PRDM11: variants seen among roughly 807,000 people sequenced by gnomAD.
PRDM11 encodes the protein PR/SET domain 11.
PRDM11 carries 20 observed loss-of-function variants against 97.8 expected under a neutral mutation model. That is an observed-to-expected ratio of 0.20 (90% CI 0.14 to 0.30). The LOEUF is 0.30. PRDM11 is among the 10% of genes least tolerant of loss of function. PRDM11 has a pLI of 1.00. For missense variants in PRDM11, 1,139 were observed against 1,555.2 expected (o/e 0.73, Z 4.50); for synonymous variants, 599 against 637.7 (o/e 0.94, Z 0.91).
intron 1 of PRDM11, among the ~76,000 whole-genome samples, chr11:45,133,304 C>G (rs533571716): frequency 6.6e-6 from 1 of 152,300 alleles, no homozygotes; most frequent in East Asian, 1.9e-4. Flanking sequence ...TGACTCCTAT[C>G]ATGAAATCTG....
intron 5 of PRDM11, among the ~76,000 whole-genome samples, chr11:45,205,553 G>A (rs534344411): frequency 2.0e-5 from 3 of 152,250 alleles, no homozygotes; most frequent in African/African-American, 7.2e-5. Context: ...GGGTGGGAGG[G>A]GAAGGAAGCC....
At position 45,184,311 on chromosome 11, in the gene PRDM11, G is replaced by A. The variant is rs113025798; in HGVS notation, c.486+1188G>A. On this transcript the variant is annotated intron_variant, in intron 4 of 7. Transcript: ENST00000683152. ...TTAGGACTTCTGTCCTTTTAATAAT[G>A]TAGGAGTTGGGGGAGTGACTTGGTC... 1.5e-3 allele frequency among the ~76,000 whole-genome samples: 227 copies of A among 152,348 alleles called. 1 individual carries two copies. Among genetic ancestry groups the A allele is most frequent in the South Asian group, 3.7e-3 (18 of 4,830 alleles).
chr11:45,100,769 T>C (rs140829328), intron 1 of PRDM11, among the ~76,000 whole-genome samples: 55 of 152,364 alleles, frequency 3.6e-4, no homozygotes, highest in Non-Finnish European at 6.0e-4. Flanking sequence ...CGCCTTTTAT[T>C]GAACACTTAT....
chr11:45,111,170 T>C (rs1852169557), intron 1 of PRDM11, among the ~76,000 whole-genome samples: 1 of 152,186 alleles, frequency 6.6e-6, no homozygotes, highest in Non-Finnish European at 1.5e-5. Flanking sequence ...ACACCATCTT[T>C]GACTTACTGT....
intron 4 of PRDM11, among the ~76,000 whole-genome samples, chr11:45,194,590 CTGTTTTTTTTTTTTT>C (rs1160272426): frequency 1.1e-5 from 1 of 89,992 alleles, no homozygotes; most frequent in Non-Finnish European, 2.2e-5. Context: ...TTATTATCTT[CTGTTTTTTTTTTTTT>C]TTTTTTTTTT....
chr11:45,171,767 G>A (rs766433302), intron 1 of PRDM11, among the ~76,000 whole-genome samples: 1 of 152,234 alleles, frequency 6.6e-6, no homozygotes, highest in Non-Finnish European at 1.5e-5. Flanking sequence ...ATAAAGCAGT[G>A]TAAGAGGAAG....
In PRDM11 at chr11:45,170,249, A is replaced by G. The variant is rs187066736; in HGVS notation, c.-6-11512A>G. ...TCCCAGCTACTAGGAAGGCTGAGGCAGGAGAATCACTTGAATCCAGGAGGC... is the reference window on the plus strand; with the variant it reads ...TCCCAGCTACTAGGAAGGCTGAGGCGGGAGAATCACTTGAATCCAGGAGGC... On this transcript the variant is annotated intron_variant, in intron 1 of 7. Coordinates refer to ENST00000683152, the MANE Select transcript of PRDM11 (RefSeq NM_001384648.1). 2.6e-3 allele frequency among the ~76,000 whole-genome samples: 398 copies of G among 152,314 alleles called. 1 individual carries two copies. The highest frequency in any genetic ancestry group is 4.3e-3 in the Non-Finnish European group (294 of 68,036).
intron 1 of PRDM11, among the ~76,000 whole-genome samples, chr11:45,162,380 C>T (rs1851951514): frequency 6.6e-6 from 1 of 152,008 alleles, no homozygotes; most frequent in Admixed American, 6.5e-5. Context: ...CAGAGAGGCC[C>T]AAAGGGCCTC....
chr11:45,110,849 C>A (rs1852162330), intron 1 of PRDM11, among the ~76,000 whole-genome samples: 1 of 152,210 alleles, frequency 6.6e-6, no homozygotes. Context: ...TGCCCAGAAA[C>A]CACTGGTTCT....
intron 4 of PRDM11, among the ~76,000 whole-genome samples, chr11:45,194,599 T>TTA (rs1352076511): frequency 2.4e-5 from 3 of 124,458 alleles, no homozygotes; most frequent in African/African-American, 8.7e-5. Context: ...TCTGTTTTTT[T>TTA]TTTTTTTTTT....
At chr11:45,138,789 A>C (rs772765758) in intron 1 of PRDM11, among the ~76,000 whole-genome samples, 1 of 152,140 alleles carries the variant, frequency 6.6e-6, no homozygotes, top group Non-Finnish European at 1.5e-5. Flanking sequence ...TTTTTTTTAC[A>C]ATATACTGAA....
chr11:45,148,938 T>C (rs1851593177), intron 1 of PRDM11, among the ~76,000 whole-genome samples: 1 of 152,154 alleles, frequency 6.6e-6, no homozygotes, highest in African/African-American at 2.4e-5. Flanking sequence ...TCTTCCTCTC[T>C]AAACCTCTTC....
chr11:45,226,949 G>A lies in PRDM11; in HGVS notation c.2324G>A (p.Gly775Glu). Reference sequence around the variant, plus strand: ...CTGGAGATCCTGGATGCCATCAGCGGGAAGGAGCTCCCATGCCTGGAGGAG... The same window carrying A: ...CTGGAGATCCTGGATGCCATCAGCGAGAAGGAGCTCCCATGCCTGGAGGAG... Reference protein sequence around the residue: ...PHLEILDAISGKELPCLEELE... With the variant: ...PHLEILDAISEKELPCLEELE... The change falls in exon 8 of 8, where the codon GGG becomes GAG. Residue 775 changes from glycine to glutamate, a missense_variant. By Grantham distance (98) the Gly-to-Glu change is moderately conservative. Coordinates refer to ENST00000683152, the MANE Select transcript of PRDM11 (RefSeq NM_001384648.1). 5 of 1,533,950 alleles carry A rather than the reference G, an allele frequency of 3.3e-6. No individual in the cohort carries two copies. Among genetic ancestry groups the A allele is most frequent in the Non-Finnish European group, 4.4e-6 (5 of 1,146,732 alleles).
chr11:45,162,160 G>C (rs924280931), intron 1 of PRDM11, among the ~76,000 whole-genome samples: 1 of 152,166 alleles, frequency 6.6e-6, no homozygotes, highest in African/African-American at 2.4e-5. Context: ...ACCAGCCCTG[G>C]ACCCTCTGGG....
chr11:45,175,257 T>G (rs2135724176), intron 1 of PRDM11, among the ~76,000 whole-genome samples: 2 of 152,340 alleles, frequency 1.3e-5, no homozygotes, highest in African/African-American at 4.8e-5. Flanking sequence ...ACAGAGTAAT[T>G]TTACTGCCTA....
chr11:45,231,883 C>T lies in PRDM11; in HGVS notation c.*3724C>T, dbSNP rs1320502430. On this transcript the variant is annotated 3_prime_UTR_variant, in exon 8 of 8. Transcript: ENST00000683152. ...TTTTTCTAATGACTGGCCTATGACA[C>T]CTTGTGATGCTAGGCACATCCTCAT... is the stretch of plus-strand genomic sequence containing the variant. 2.0e-5 allele frequency: 3 copies of T among 152,042 alleles called. No homozygotes were observed. In the East Asian group the frequency reaches 5.8e-4, roughly 29 times the overall value. 9.4% of individuals were successfully genotyped at this position (152,042 alleles called of 1,614,324 possible). A position where few individuals can be genotyped will look rare whatever the true frequency, so the allele number is the denominator to read the frequency against.
chr11:45,154,647 A>G (rs1851745520), intron 1 of PRDM11, among the ~76,000 whole-genome samples: 1 of 152,030 alleles, frequency 6.6e-6, no homozygotes, highest in Admixed American at 6.5e-5. Flanking sequence ...AGTGCCTTCT[A>G]GAGCTTTCCC....
At chr11:45,220,464 A>T (rs923078725) in intron 6 of PRDM11, among the ~76,000 whole-genome samples, 4 of 152,178 alleles carry the variant, frequency 2.6e-5, no homozygotes, top group Non-Finnish European at 5.9e-5. Context: ...AACTTTTAAT[A>T]CTCATGATCC....
chr11:45,158,702 T>C (rs1012204841), intron 1 of PRDM11, among the ~76,000 whole-genome samples: 2 of 152,006 alleles, frequency 1.3e-5, no homozygotes, highest in African/African-American at 4.8e-5. Flanking sequence ...CTGGGACAGC[T>C]GAGCCTAACT....
Sources: allele counts gnomAD v4.1 joint callset (sites outside exome capture counted in the v4.1 genomes callset), GRCh38; gene constraint gnomAD v4.1.1; transcripts MANE v1.5; gene names NCBI Gene and HGNC (gene_info 2026-07-23, HGNC 2026-07-21).